ZNF195: variants seen among roughly 807,000 people sequenced by gnomAD.
The protein encoded by ZNF195 is zinc finger protein 195, also known as hypoxia-regulated factor-1.
In ZNF195, 11 loss-of-function variants were observed where a neutral mutation model predicts 19.5. The ratio of observed to expected loss-of-function variants is 0.57; its 90% CI spans 0.36 to 0.94. The LOEUF is 0.94. Among genes scored for constraint, ZNF195 ranks in the 40% least tolerant of loss-of-function variants. The pLI, the probability that ZNF195 is intolerant of heterozygous loss-of-function variation, is 0.01. For synonymous variants in ZNF195, 214 were observed against 248.1 expected, an observed-to-expected ratio of 0.86 and a Z score of 1.29; for missense variants, 582 against 709.0, an observed-to-expected ratio of 0.82 and a Z score of 2.03.
intron 3 of ZNF195, chr11:3,368,825 A>T: frequency 2.2e-6 from 1 of 455,860 alleles, no homozygotes; most frequent in Non-Finnish European, 4.4e-6. Flanking sequence ...AAGATACAAT[A>T]CAGACAGTAT....
intron 1 of ZNF195, chr11:3,373,708 C>T: frequency 7.5e-7 from 1 of 1,340,578 alleles, no homozygotes; most frequent in Non-Finnish European, 1.0e-6. Flanking sequence ...CCTTCACCTG[C>T]TACCACCACA....
chr11:3,373,064 T>C (rs1849295364), intron 1 of ZNF195, among the ~76,000 whole-genome samples: 1 of 152,254 alleles, frequency 6.6e-6, no homozygotes, highest in African/African-American at 2.4e-5. Context: ...AAAAGAGTCT[T>C]TCTTTAGCAT....
At chr11:3,363,713 A>G (rs1475418797) in intron 3 of ZNF195, among the ~76,000 whole-genome samples, 2 of 152,196 alleles carry the variant, frequency 1.3e-5, no homozygotes, top group African/African-American at 2.4e-5. Context: ...GCACCCAACA[A>G]TTTTCAAACA....
At chr11:3,373,408 G>C (rs942344108) in intron 1 of ZNF195, among the ~76,000 whole-genome samples, 1 of 152,058 alleles carries the variant, frequency 6.6e-6, no homozygotes, top group African/African-American at 2.4e-5. Flanking sequence ...TTGGTATATA[G>C]AAAACAAATA....
intron 3 of ZNF195, among the ~76,000 whole-genome samples, chr11:3,362,993 A>G (rs1459792089): frequency 1.3e-5 from 2 of 152,198 alleles, no homozygotes; most frequent in Non-Finnish European, 2.9e-5. Flanking sequence ...ACTTCCTAAA[A>G]CATACTTTAA....
At position 3,360,181 on chromosome 11, in the gene ZNF195, T is replaced by G; in HGVS notation, c.827A>C (p.Glu276Ala). Reference protein sequence around the residue: ...HTGKKFQKCGECGKTFIQCSH... With the variant: ...HTGKKFQKCGACGKTFIQCSH... ...GCACTGGATAAAGGTTTTGCCACAT[T>G]CTCCACATTTTTGGAATTTTTTTCC... Residue 276 changes from glutamate to alanine, a missense_variant, in exon 6 of 6, where the codon GAA becomes GCA. Physicochemically the swap from Glu to Ala is moderately radical, Grantham distance 107. Transcript: ENST00000399602. The G allele has an allele frequency of 1.2e-6, 2 of 1,613,982 alleles. No individual in the cohort carries two copies. The highest frequency in any genetic ancestry group is 1.7e-6 in the Non-Finnish European group (2 of 1,179,910).
intron 4 of ZNF195, among the ~76,000 whole-genome samples, chr11:3,361,045 A>C (rs188574579): frequency 9.6e-4 from 146 of 152,316 alleles, no homozygotes; most frequent in Admixed American, 2.2e-3. Flanking sequence ...GTCTGCTGAG[A>C]CCGAAAGGAA....
rs965806213 is a variant in ZNF195 at position 3,371,854 on chromosome 11, T to C, written c.4-151A>G. ...ACTCTCTAACTCTGAGGAAAGAGAATTGCCTGAGAGCCACATAAGCAGTGT... is the reference window on the plus strand; with the variant it reads ...ACTCTCTAACTCTGAGGAAAGAGAACTGCCTGAGAGCCACATAAGCAGTGT... On this transcript the variant is annotated intron_variant, in intron 1 of 5. Transcript: ENST00000399602. The C allele has an allele frequency of 1.2e-5, 11 of 947,278 alleles. No homozygotes were observed. The African/African-American group carries it at 1.5e-4, about 13-fold the overall frequency. The allele number at this position is 947,278 out of a possible 1,614,324, so 58.7% of individuals were successfully genotyped here.
Position 3,364,421 on chromosome 11 carries a change from C to T in ZNF195, c.227-2532G>A, listed in dbSNP as rs61619418. ...AAGGTATATAAGCAGATATATAATA[C>T]TTTACTATCATAATGATGGTGTAAA... On this transcript the variant is annotated intron_variant, in intron 3 of 5. Coordinates refer to ENST00000399602, the MANE Select transcript of ZNF195 (RefSeq NM_001130520.3). Among the ~76,000 whole-genome samples, 86 of 152,214 alleles carry T rather than the reference C, an allele frequency of 5.6e-4. 1 individual carries two copies. In the East Asian group the frequency reaches 0.016, roughly 29 times the overall value.
rs962433933 is a variant in ZNF195 at position 3,358,468 on chromosome 11, C to T, written c.*650G>A. 1 of 152,184 alleles carries T rather than the reference C, an allele frequency of 6.6e-6. No individual in the cohort carries two copies. The highest frequency in any genetic ancestry group is 2.4e-5 in the African/African-American group (1 of 41,436). 9.4% of individuals were successfully genotyped at this position (152,184 alleles called of 1,614,324 possible). A position where few individuals can be genotyped will look rare whatever the true frequency, so the allele number is the denominator to read the frequency against. ...CGGACAAGTATATCAGTGATGCACA[C>T]CTAAGAGAAAAGAATTTCTCATATC... On this transcript the variant is annotated 3_prime_UTR_variant, in exon 6 of 6. Transcript: ENST00000399602.
intron 3 of ZNF195, chr11:3,368,879 T>G (rs1466775645): frequency 4.4e-6 from 2 of 454,700 alleles, no homozygotes; most frequent in Non-Finnish European, 8.8e-6. Flanking sequence ...ATACCCGCAA[T>G]CAAAATAATG....
In ZNF195 at chr11:3,359,583, G is replaced by A; in HGVS notation, c.1425C>T (p.Phe475=). Residue 475 remains phenylalanine (F), a synonymous_variant, in exon 6 of 6, where the codon TTC becomes TTT. Coordinates refer to ENST00000399602, the MANE Select transcript of ZNF195 (RefSeq NM_001130520.3). This position sits in a 1 kb window ranked among gnomAD's most constrained non-coding sequence, Gnocchi z 5.5. ...PYQCEECGKV[F]RTCSSLSNHK... ...GGTTAGAAAGGCTTGAGCAAGTTCT[G>A]AAGACCTTCCCACATTCTTCACATT... 6.2e-7 allele frequency: 1 copy of A among 1,613,592 alleles called. No individual in the cohort carries two copies. Among genetic ancestry groups the A allele is most frequent in the Non-Finnish European group, 8.5e-7 (1 of 1,179,886 alleles).
At chr11:3,362,485 G>A in intron 3 of ZNF195, 1 of 427,086 alleles carries the variant, frequency 2.3e-6, no homozygotes, top group Admixed American at 3.9e-5. Context: ...GTTGAGGGCA[G>A]ATTTAATAAG....
Position 3,359,913 on chromosome 11 carries a change from A to C in ZNF195, c.1095T>G (p.Ser365=). Residue 365 remains serine (S), a synonymous_variant, in exon 6 of 6, where the codon TCT becomes TCG. Coordinates refer to ENST00000399602, the MANE Select transcript of ZNF195 (RefSeq NM_001130520.3). The surrounding 1 kb of genome is among the most constrained non-coding windows in gnomAD (Gnocchi z 5.5). The part of the protein sequence containing the change: ...KYEECSSVFI[S]CSSLSNQQMI... The stretch of plus-strand genomic sequence containing the variant: ...TCTGTTGATTAGAAAGGCTTGAGCA[A>C]GAGATAAAGACACTGCTGCACTCTT... 6.2e-7 allele frequency: 1 copy of C among 1,614,224 alleles called. No homozygotes were observed. The highest frequency in any genetic ancestry group is 8.5e-7 in the Non-Finnish European group (1 of 1,180,036).
chr11:3,379,064 C>G lies in ZNF195; in HGVS notation c.-24G>C. The G allele has an allele frequency of 6.7e-7, 1 of 1,495,850 alleles. No homozygotes were observed. Among genetic ancestry groups the G allele is most frequent in the South Asian group, 1.3e-5 (1 of 75,940 alleles). The allele number at this position is 1,495,850 out of a possible 1,614,324, so 92.7% of individuals were successfully genotyped here. A position where few individuals can be genotyped will look rare whatever the true frequency, so the allele number is the denominator to read the frequency against. On this transcript the variant is annotated 5_prime_UTR_variant, in exon 1 of 6. Transcript: ENST00000399602. ...ATCTCCTGGCCTCCAGAGAGCCTGG[C>G]GTTTCACTTCTGGATCTCCCGGTGC...
chr11:3,373,678 T>C (rs1849322477), intron 1 of ZNF195: 3 of 1,532,250 alleles, frequency 2.0e-6, no homozygotes, highest in African/African-American at 2.7e-5. Context: ...GAATATGCCT[T>C]TAAAGGTGTT....
chr11:3,361,787 T>G lies in ZNF195; in HGVS notation c.329A>C (p.His110Pro), dbSNP rs772367656. 2 of 1,186,524 alleles carry G rather than the reference T, an allele frequency of 1.7e-6. No homozygotes were observed. Among genetic ancestry groups the G allele is most frequent in the Non-Finnish European group, 2.3e-6 (2 of 881,702 alleles). The allele number at this position is 1,186,524 out of a possible 1,614,324, so 73.5% of individuals were successfully genotyped here. Reference sequence around the variant, plus strand: ...AACATTGAGGCCTGGCTGGGCACGGTGGTTCACACCTGTAATCCCAGCACT... The same window carrying G: ...AACATTGAGGCCTGGCTGGGCACGGGGGTTCACACCTGTAATCCCAGCACT... ...SQSAGITGVN[H>P]RAQPGLNVSV... Residue 110 changes from histidine (H) to proline (P), a missense_variant, in exon 4 of 6, where the codon CAC becomes CCC. Coordinates refer to ENST00000399602, the MANE Select transcript of ZNF195 (RefSeq NM_001130520.3).
chr11:3,371,449 T>A lies in ZNF195; in HGVS notation c.130+128A>T, dbSNP rs542196134. 4 of 1,244,818 alleles carry A rather than the reference T, an allele frequency of 3.2e-6. No homozygotes were observed. The East Asian group carries it at 1.0e-4, about 31-fold the overall frequency. The allele number at this position is 1,244,818 out of a possible 1,614,324, so 77.1% of individuals were successfully genotyped here. ...TTTTTTTTACATCAACTATTCCCCA[T>A]GTTTTTCTTAAAAGCAGGGATCTGA... On this transcript the variant is annotated intron_variant, in intron 2 of 5. Transcript: ENST00000399602.
At chr11:3,364,272 T>G (rs754236230) in intron 3 of ZNF195, among the ~76,000 whole-genome samples, 2 of 152,042 alleles carry the variant, frequency 1.3e-5, no homozygotes, top group African/African-American at 2.4e-5. Context: ...ATTAGCATGG[T>G]CAACAGAGCA....
Sources: gnomAD v4.1 joint callset for allele counts (sites outside exome capture counted in the v4.1 genomes callset) on GRCh38, gnomAD v4.1.1 for gene constraint, Gnocchi (gnomAD v3.1) non-coding constraint, MANE v1.5 for transcripts, NCBI Gene and HGNC (gene_info 2026-07-23, HGNC 2026-07-21) for gene names.